Variants in USH2A observed in about 807,000 individuals in gnomAD.
The protein encoded by USH2A is Usher syndrome 2A (autosomal recessive, mild).
USH2A carries 443 observed loss-of-function variants against 538.9 expected under a neutral mutation model. The ratio of observed to expected loss-of-function variants is 0.82; its 90% confidence interval spans 0.76 to 0.89. The LOEUF is 0.89. Among genes scored for constraint, USH2A ranks in the 40% least tolerant of loss-of-function variants. USH2A has a pLI of 0.00. For missense variants in USH2A, 6,633 were observed against 6,324.8 expected, an observed-to-expected ratio of 1.05 and a Z score of -1.65; for synonymous variants, 2,413 against 2,273.5, an observed-to-expected ratio of 1.06 and a Z score of -1.75.
chr1:216,100,375 G>A (rs183775042), intron 21 of USH2A, among the ~76,000 whole-genome samples: 1 of 152,238 alleles, frequency 6.6e-6, no homozygotes, highest in East Asian at 1.9e-4. Flanking sequence ...AAACATAGAC[G>A]TAGAGTCTGG....
At chr1:215,643,241 G>A (rs1213964633) in intron 67 of USH2A, among the ~76,000 whole-genome samples, 1 of 152,028 alleles carries the variant, frequency 6.6e-6, no homozygotes, top group Non-Finnish European at 1.5e-5. Flanking sequence ...CAAGTGATCT[G>A]CCCACCTCTG....
chr1:216,208,214 A>T (rs760599380), intron 15 of USH2A, among the ~76,000 whole-genome samples: 2 of 152,148 alleles, frequency 1.3e-5, no homozygotes, highest in Non-Finnish European at 2.9e-5. Context: ...ATAAAGGAGA[A>T]AAACAACAGC....
Position 216,084,698 on chromosome 1 carries a change from C to G in USH2A, c.5167G>C (p.Gly1723Arg), listed in dbSNP as rs1342455785. The G allele has an allele frequency of 4.3e-6, 7 of 1,612,708 alleles. No individual in the cohort carries two copies. The Admixed American group carries it at 1.2e-4, about 27-fold the overall frequency. Residue 1723 changes from glycine to arginine, a missense_variant and splice_region_variant, in exon 25 of 72, where the codon GGG becomes CGG. By Grantham distance (125) the Gly-to-Arg change is moderately radical. Transcript: ENST00000307340. ...LNEGAQFLGA[G>R]FLELHPYMFH... ...ACTCATGTCTTTTTTAGAGCATTAC[C>G]TGCTCCTAGGAACTGAGCTCCCTCA...
rs191672234 is a variant in USH2A, at chr1:215,799,939, G to A, written c.9740-814C>T. On this transcript the variant is annotated intron_variant, in intron 49 of 71. Coordinates refer to ENST00000307340, the MANE Select transcript of USH2A (RefSeq NM_206933.4). ...AGGCGGGAGGCAGAGTGCGCAGTGA[G>A]CCAGGATTGTTTCACTGCACTCCAG... 1.3e-3 allele frequency among the ~76,000 whole-genome samples: 194 copies of A among 152,140 alleles called. 1 individual carries two copies. The highest frequency in any genetic ancestry group is 3.4e-3 in the Admixed American group (52 of 15,274).
chr1:216,239,340 C>T (rs564612138), intron 13 of USH2A, among the ~76,000 whole-genome samples: 1 of 152,070 alleles, frequency 6.6e-6, no homozygotes, highest in East Asian at 1.9e-4. Flanking sequence ...CACCACAGAC[C>T]TTTGCTAGGC....
rs923099164 is a variant in USH2A at position 216,059,229 on chromosome 1, T to C, written c.6050-10582A>G. ...TAATTTAATTTAATCTTACTGATGA[T>C]ACTCTGCATAGCTGAGTTTAAGTTC... is the stretch of plus-strand genomic sequence containing the variant. On this transcript the variant is annotated intron_variant, in intron 30 of 71. Transcript: ENST00000307340. Among the ~76,000 whole-genome samples, 3 of 152,338 alleles carry C rather than the reference T, an allele frequency of 2.0e-5. No homozygotes were observed. The East Asian group carries it at 5.8e-4, about 29-fold the overall frequency.
intron 32 of USH2A, among the ~76,000 whole-genome samples, chr1:216,016,463 T>C (rs1342303229): frequency 6.6e-6 from 1 of 152,170 alleles, no homozygotes; most frequent in African/African-American, 2.4e-5. Context: ...CCATTTGTGC[T>C]TATGTTTTCC....
At chr1:215,745,616 C>T (rs1214655414) in intron 58 of USH2A, among the ~76,000 whole-genome samples, 1 of 152,152 alleles carries the variant, frequency 6.6e-6, no homozygotes, top group African/African-American at 2.4e-5. Flanking sequence ...GACAATACTG[C>T]ATGGTAAATA....
At chr1:216,400,774 G>A (rs1412564688) in intron 3 of USH2A, among the ~76,000 whole-genome samples, 1 of 152,090 alleles carries the variant, frequency 6.6e-6, no homozygotes, top group Non-Finnish European at 1.5e-5. Flanking sequence ...GCCAGAAGGA[G>A]TGGCACAACA....
In USH2A at chr1:216,419,204, A is replaced by G. The variant is rs563796568; in HGVS notation, c.486-525T>C. Among the ~76,000 whole-genome samples the G allele has an allele frequency of 7.2e-5, 11 of 152,232 alleles. 1 individual carries two copies. The highest frequency in any genetic ancestry group is 6.2e-4 in the South Asian group (3 of 4,832). On this transcript the variant is annotated intron_variant, in intron 2 of 71. Coordinates refer to ENST00000307340, the MANE Select transcript of USH2A (RefSeq NM_206933.4). Reference sequence around the variant, plus strand: ...GACAGCTATAGTCTCTACTCACCCCATCATCAACTGGCACAAAGCCAAAGC... The same window carrying G: ...GACAGCTATAGTCTCTACTCACCCCGTCATCAACTGGCACAAAGCCAAAGC...
At chr1:215,744,426 A>G (rs1337584102) in intron 58 of USH2A, among the ~76,000 whole-genome samples, 1 of 152,148 alleles carries the variant, frequency 6.6e-6, no homozygotes, top group African/African-American at 2.4e-5. Flanking sequence ...TTTCAAGGAG[A>G]GGATATGAGT....
intron 4 of USH2A, among the ~76,000 whole-genome samples, chr1:216,329,475 C>T (rs2037809775): frequency 6.6e-6 from 1 of 152,100 alleles, no homozygotes; most frequent in Non-Finnish European, 1.5e-5. Flanking sequence ...AGGAAAGTCA[C>T]TCCTCATAGC....
intron 19 of USH2A, among the ~76,000 whole-genome samples, chr1:216,191,851 G>T (rs1389680489): frequency 1.3e-5 from 2 of 151,768 alleles, no homozygotes; most frequent in Non-Finnish European, 2.9e-5. Flanking sequence ...AATATTCTTT[G>T]TAGCAAGAAC....
In USH2A at chr1:215,674,982, C is replaced by T. The variant is rs1482821042; in HGVS notation, c.12929G>A (p.Ser4310Asn). 6.2e-7 allele frequency: 1 copy of T among 1,614,036 alleles called. No individual in the cohort carries two copies. The highest frequency in any genetic ancestry group is 8.5e-7 in the Non-Finnish European group (1 of 1,180,030). Residue 4310 changes from serine to asparagine, a missense_variant, in exon 63 of 72, where the codon AGC becomes AAC. By Grantham distance (46) the Ser-to-Asn change is conservative. Coordinates refer to ENST00000307340, the MANE Select transcript of USH2A (RefSeq NM_206933.4). ...GTAATTGAAAGTCACAGGATCAAAG[C>T]TAAAAGGATAGAGCATTTCATTCCT... is the stretch of plus-strand genomic sequence containing the variant. ...LQRNEMLYPFSFDPVTFNYTD... is the reference protein window; with the variant it reads ...LQRNEMLYPFNFDPVTFNYTD...
chr1:216,174,542 G>C, intron 21 of USH2A: 1 of 982,706 alleles, frequency 1.0e-6, no homozygotes, highest in Non-Finnish European at 1.2e-6. Context: ...TTTTTATAGT[G>C]CTTTCACATT....
chr1:216,411,236 G>A (rs904990626), intron 3 of USH2A, among the ~76,000 whole-genome samples: 1 of 151,954 alleles, frequency 6.6e-6, no homozygotes, highest in East Asian at 1.9e-4. Flanking sequence ...TTTTATACAA[G>A]GGCATTTACA....
chr1:216,086,568 A>G lies in USH2A; in HGVS notation c.4987+151T>C, dbSNP rs893139675. 24 of 629,138 alleles carry G rather than the reference A, an allele frequency of 3.8e-5. No individual in the cohort carries two copies. The South Asian group carries it at 4.3e-4, about 11-fold the overall frequency. The allele number at this position is 629,138 out of a possible 1,614,324, so 39.0% of individuals were successfully genotyped here. A position where few individuals can be genotyped will look rare whatever the true frequency, so the allele number is the denominator to read the frequency against. ...TCATATGGAATACATGGTTCCTTTAAAAAAAAGAGACCTAAAGGAAATTTT... is the reference window on the plus strand; with the variant it reads ...TCATATGGAATACATGGTTCCTTTAGAAAAAAGAGACCTAAAGGAAATTTT... On this transcript the variant is annotated intron_variant, in intron 24 of 71. Coordinates refer to ENST00000307340, the MANE Select transcript of USH2A (RefSeq NM_206933.4).
chr1:216,364,603 GAGGAGA>G (rs2102707948), intron 4 of USH2A, among the ~76,000 whole-genome samples: 1 of 152,272 alleles, frequency 6.6e-6, no homozygotes, highest in Non-Finnish European at 1.5e-5. Flanking sequence ...AGAAGATTCA[GAGGAGA>G]AGGCCACATG....
intron 37 of USH2A, among the ~76,000 whole-genome samples, chr1:215,946,689 C>T (rs1016380712): frequency 2.6e-5 from 4 of 152,206 alleles, no homozygotes; most frequent in African/African-American, 9.6e-5. Context: ...CCCCTATCCA[C>T]ATATGGCTAT....
Sources: allele counts gnomAD v4.1 joint callset (sites outside exome capture counted in the v4.1 genomes callset), GRCh38; gene constraint gnomAD v4.1.1; transcripts MANE v1.5; gene names NCBI Gene and HGNC (gene_info 2026-07-23, HGNC 2026-07-21).